Variants in ARHGAP6 observed in about 807,000 individuals in gnomAD.
ARHGAP6 encodes the protein Rho GTPase activating protein 6, also known as rho GTPase-activating protein 6.
ARHGAP6 carries 16 observed loss-of-function variants against 55.7 expected under a neutral mutation model. The observed-to-expected ratio is 0.29, with a 90% CI of 0.19 to 0.44. The LOEUF (loss-of-function observed/expected upper bound fraction) is 0.44, where lower values mean the gene tolerates loss of function less well. Ranked by LOEUF, ARHGAP6 falls within the 20% of genes least tolerant of loss-of-function variation. ARHGAP6 has a pLI of 1.00. For missense variants in ARHGAP6, 698 were observed against 808.9 expected (o/e 0.86, Z 1.66); for synonymous variants, 382 against 360.9 (o/e 1.06, Z -0.66).
At chrX:11,267,890 T>C (rs752238621) in intron 1 of ARHGAP6, among the ~76,000 whole-genome samples, 6 of 112,225 alleles carry the variant, frequency 5.3e-5, no homozygotes, top group Non-Finnish European at 1.1e-4. Context: ...ATAACAACTC[T>C]TTAAGTAAAA....
chrX:11,203,798 A>G (rs1280267423), intron 2 of ARHGAP6, among the ~76,000 whole-genome samples: 1 of 110,806 alleles, frequency 9.0e-6, no homozygotes, highest in Non-Finnish European at 1.9e-5. Context: ...TTAGACCCTC[A>G]CTCCTACATA....
intron 1 of ARHGAP6, among the ~76,000 whole-genome samples, chrX:11,537,065 CACAGTAAT>C (rs1386979830): frequency 8.9e-6 from 1 of 112,270 alleles, no homozygotes; most frequent in East Asian, 2.8e-4. Context: ...CTTCTTCTGT[CACAGTAAT>C]ACAACATCCA....
chrX:11,623,423 A>G (rs944377384), intron 1 of ARHGAP6, among the ~76,000 whole-genome samples: 2 of 111,267 alleles, frequency 1.8e-5, no homozygotes, highest in African/African-American at 3.3e-5. Flanking sequence ...AAAAAACTGA[A>G]GAGGATGCCT....
At chrX:11,647,414 GCACCCAAAGA>G (rs1448210289) in intron 1 of ARHGAP6, among the ~76,000 whole-genome samples, 1 of 112,197 alleles carries the variant, frequency 8.9e-6, no homozygotes, top group Non-Finnish European at 1.9e-5. Flanking sequence ...AACAAATGCA[GCACCCAAAGA>G]CATGCTGTTG....
At chrX:11,527,599 G>A (rs562292754) in intron 1 of ARHGAP6, among the ~76,000 whole-genome samples, 6 of 111,890 alleles carry the variant, frequency 5.4e-5, no homozygotes, top group Middle Eastern at 9.3e-3. Flanking sequence ...GCGACAGAGC[G>A]AGATTCCATC....
At chrX:11,188,036 AATAAAAG>A (rs1476558535) in intron 4 of ARHGAP6, among the ~76,000 whole-genome samples, 1 of 111,273 alleles carries the variant, frequency 9.0e-6, no homozygotes, top group African/African-American at 3.3e-5. Flanking sequence ...TGAGTCAAAA[AATAAAAG>A]ATAAAAATAA....
intron 2 of ARHGAP6, among the ~76,000 whole-genome samples, chrX:11,204,546 G>T (rs993064484): frequency 6.3e-5 from 7 of 111,850 alleles, no homozygotes; most frequent in African/African-American, 2.3e-4. Flanking sequence ...GATGACCATT[G>T]TGATGTTGCA....
chrX:11,530,966 G>C (rs886873121), intron 1 of ARHGAP6, among the ~76,000 whole-genome samples: 1 of 111,871 alleles, frequency 8.9e-6, no homozygotes, highest in African/African-American at 3.3e-5. Flanking sequence ...GTTAGCAATA[G>C]GTTGTTTGAA....
intron 2 of ARHGAP6, among the ~76,000 whole-genome samples, 168 bp downstream of exon 2, chrX:11,254,379 CT>C (rs1275408414): frequency 9.0e-6 from 1 of 111,675 alleles, no homozygotes; most frequent in Admixed American, 9.5e-5. Context: ...CAAATTGTCC[CT>C]CTTGAACATG....
intron 1 of ARHGAP6, among the ~76,000 whole-genome samples, chrX:11,398,945 C>T (rs1244271565): frequency 1.8e-5 from 2 of 112,025 alleles, no homozygotes; most frequent in Non-Finnish European, 3.8e-5. Context: ...TTTATACATA[C>T]AAGTCAACAG....
Position 11,578,011 on chromosome X carries a change from C to A in ARHGAP6, c.588+86230G>T, listed in dbSNP as rs143754695. Among the ~76,000 whole-genome samples the A allele has an allele frequency of 3.6e-5, 4 of 110,127 alleles. No individual in the cohort carries two copies. In the East Asian group the frequency reaches 1.1e-3, roughly 31 times the overall value. On this transcript the variant is annotated intron_variant, in intron 1 of 12. Coordinates refer to ENST00000337414, the MANE Select transcript of ARHGAP6 (RefSeq NM_013427.3). ...CTCACCAGCATGCATGAGTGTACTA[C>A]TTAAATTTTGAAGGAAAAAAAAGAA...
At chrX:11,250,248 G>A (rs1433502788) in intron 2 of ARHGAP6, among the ~76,000 whole-genome samples, 1 of 111,479 alleles carries the variant, frequency 9.0e-6, no homozygotes, top group Non-Finnish European at 1.9e-5. Context: ...AAATTCTGTT[G>A]GTACTTTATT....
rs867680052 is a variant in ARHGAP6, at chrX:11,590,865, A to G, written c.588+73376T>C. 9.3e-4 allele frequency among the ~76,000 whole-genome samples: 49 copies of G among 52,808 alleles called. 7 individuals are homozygous for G. Among genetic ancestry groups the G allele is most frequent in the African/African-American group, 3.2e-3 (40 of 12,421 alleles). The allele number at this position is 52,808 out of a possible 115,157, so 45.9% of individuals were successfully genotyped here. ...AGAAAAGAAAAGAAAAGAAAAGAAA[A>G]GAAGGAAAGAAAGAAAGAAAGAAAG... On this transcript the variant is annotated intron_variant, in intron 1 of 12. Transcript: ENST00000337414.
At chrX:11,507,894 C>A (rs766587552) in intron 1 of ARHGAP6, among the ~76,000 whole-genome samples, 1 of 111,954 alleles carries the variant, frequency 8.9e-6, no homozygotes, top group East Asian at 2.8e-4. Context: ...AGTCCCACTG[C>A]TAATAAAGTA....
intron 1 of ARHGAP6, among the ~76,000 whole-genome samples, chrX:11,406,901 T>C (rs1240582696): frequency 9.1e-6 from 1 of 109,971 alleles, no homozygotes; most frequent in Non-Finnish European, 1.9e-5. Context: ...TAAATGTGCC[T>C]AGACAGACTA....
chrX:11,607,566 A>G (rs2052049959), intron 1 of ARHGAP6, among the ~76,000 whole-genome samples: 1 of 112,415 alleles, frequency 8.9e-6, no homozygotes, highest in African/African-American at 3.2e-5. Context: ...AAAATTCATG[A>G]AGCTAACAGA....
At chrX:11,623,484 G>A (rs371033333) in intron 1 of ARHGAP6, among the ~76,000 whole-genome samples, 5 of 109,580 alleles carry the variant, frequency 4.6e-5, no homozygotes, top group African/African-American at 1.7e-4. Context: ...GAGGTCAGGA[G>A]ATCGAGACCA....
chrX:11,361,898 G>A (rs1275445743), intron 1 of ARHGAP6, among the ~76,000 whole-genome samples: 2 of 112,043 alleles, frequency 1.8e-5, no homozygotes, highest in East Asian at 5.6e-4. Context: ...AAAGACACAC[G>A]ACAAAATGCT....
chrX:11,260,520 T>C (rs2047546160), intron 1 of ARHGAP6, among the ~76,000 whole-genome samples: 1 of 111,584 alleles, frequency 9.0e-6, no homozygotes, highest in African/African-American at 3.3e-5. Context: ...ACTTTTCCCA[T>C]AAAATAGAAT....
Sources: allele counts gnomAD v4.1 joint callset (sites outside exome capture counted in the v4.1 genomes callset), GRCh38; gene constraint gnomAD v4.1.1; transcripts MANE v1.5; gene names NCBI Gene and HGNC (gene_info 2026-07-23, HGNC 2026-07-21).